PDE4D: variants seen among roughly 807,000 people sequenced by gnomAD.
PDE4D encodes the protein phosphodiesterase 4D, also known as 3',5'-cyclic-AMP phosphodiesterase 4D.
In PDE4D, 24 loss-of-function variants were observed where a neutral mutation model predicts 87.4. The observed-to-expected ratio is 0.27, with a 90% CI of 0.20 to 0.39. The LOEUF (loss-of-function observed/expected upper bound fraction) is 0.39, where lower values mean the gene tolerates loss of function less well. Ranked by LOEUF, PDE4D falls within the 10% of genes least tolerant of loss-of-function variation. The probability of loss-of-function intolerance (pLI) is 1.00; values close to 1 mark genes in which losing one functional copy is unlikely to be tolerated. For synonymous variants in PDE4D, 384 were observed against 383.2 expected (o/e 1.00, Z -0.02); for missense variants, 714 against 1,041.0 (o/e 0.69, Z 4.32).
chr5:59,240,409 T>C lies in PDE4D; in HGVS notation c.456-24441A>G, dbSNP rs6888386. Among the ~76,000 whole-genome samples, 1,452 of 152,260 alleles carry C rather than the reference T, an allele frequency of 9.5e-3. 28 individuals are homozygous for C. Among genetic ancestry groups the C allele is most frequent in the African/African-American group, 0.032 (1,327 of 41,564 alleles). ...CAAGAAATAACACGAAATAGAATGC[T>C]CCAAATTTATTATTTATTTGCACCT... On this transcript the variant is annotated intron_variant, in intron 1 of 14. Transcript: ENST00000340635.
At chr5:59,144,184 CA>C (rs2153456725) in intron 5 of PDE4D, among the ~76,000 whole-genome samples, 1 of 152,292 alleles carries the variant, frequency 6.6e-6, no homozygotes, top group Non-Finnish European at 1.5e-5. Context: ...TTAACTAAGG[CA>C]GTCAGTTGTG....
intron 1 of PDE4D, among the ~76,000 whole-genome samples, chr5:59,867,917 G>A (rs1747278037): frequency 6.6e-6 from 1 of 152,176 alleles, no homozygotes. Flanking sequence ...CTCCAGGAAA[G>A]GGAATTGGAT....
chr5:59,742,283 C>G (rs113518095), intron 1 of PDE4D, among the ~76,000 whole-genome samples: 4,727 of 152,198 alleles, frequency 0.031, 250 homozygotes, highest in African/African-American at 0.11. Context: ...AGGCTGGTCT[C>G]AAACTCCTGA....
rs1300407031 is a variant in PDE4D, at chr5:58,973,640, C to CTGAG, written c.*1020_*1023dup. ...TGCTTCAGACAACACGAACTGATGA[C>CTGAG]TGAGTTTGCATGAAGCTTAAGACAC... On this transcript the variant is annotated 3_prime_UTR_variant, in exon 15 of 15. Transcript: ENST00000340635. 2.0e-5 allele frequency: 3 copies of CTGAG among 152,588 alleles called. No homozygotes were observed. The highest frequency in any genetic ancestry group is 2.1e-4 in the South Asian group (1 of 4,824). The allele number at this position is 152,588 out of a possible 1,614,324, so 9.5% of individuals were successfully genotyped here. A position where few individuals can be genotyped will look rare whatever the true frequency, so the allele number is the denominator to read the frequency against.
chr5:59,262,588 G>A (rs1203225233), intron 1 of PDE4D, among the ~76,000 whole-genome samples: 1 of 151,814 alleles, frequency 6.6e-6, no homozygotes, highest in Non-Finnish European at 1.5e-5. Flanking sequence ...AAGGTCGGGG[G>A]TCAATCCCTG....
At chr5:60,131,751 T>G (rs1438559931) in intron 2 of PDE4D, among the ~76,000 whole-genome samples, 1 of 152,232 alleles carries the variant, frequency 6.6e-6, no homozygotes, top group Non-Finnish European at 1.5e-5. Context: ...ATGGTTGTTT[T>G]AAGCCATTAT....
At chr5:60,142,573 G>C (rs906021996) in intron 2 of PDE4D, among the ~76,000 whole-genome samples, 2 of 152,196 alleles carry the variant, frequency 1.3e-5, no homozygotes, top group Non-Finnish European at 2.9e-5. Context: ...AGAAACACCA[G>C]CATGAGCCAG....
intron 1 of PDE4D, among the ~76,000 whole-genome samples, chr5:60,260,570 G>C (rs1749545690): frequency 1.3e-5 from 2 of 152,082 alleles, no homozygotes; most frequent in Admixed American, 6.6e-5. Flanking sequence ...ATCTGGAAGA[G>C]AGAAGACCAA....
chr5:59,469,438 A>ATATATAT (rs1802096738), intron 1 of PDE4D, among the ~76,000 whole-genome samples: 1 of 152,230 alleles, frequency 6.6e-6, no homozygotes, highest in South Asian at 2.1e-4. Flanking sequence ...AAGAATAAAT[A>ATATATAT]ATAAGTGGCA....
At position 59,672,799 on chromosome 5, in the gene PDE4D, G is replaced by T. The variant is rs1468630111; in HGVS notation, c.455+220369C>A. 2.0e-5 allele frequency among the ~76,000 whole-genome samples: 3 copies of T among 152,092 alleles called. No homozygotes were observed. In the East Asian group the frequency reaches 5.8e-4, roughly 29 times the overall value. ...GTTCTATAAAAAAGATAAAGGGAAGGATGTTACTATTCTGAGCTGATGATG... is the reference window on the plus strand; with the variant it reads ...GTTCTATAAAAAAGATAAAGGGAAGTATGTTACTATTCTGAGCTGATGATG... On this transcript the variant is annotated intron_variant, in intron 1 of 14. Transcript: ENST00000340635.
intron 1 of PDE4D, among the ~76,000 whole-genome samples, chr5:60,479,498 A>G (rs1748568526): frequency 6.6e-6 from 1 of 152,214 alleles, no homozygotes; most frequent in African/African-American, 2.4e-5. Context: ...GGTGCTGCAA[A>G]TAATTGAATA....
intron 3 of PDE4D, among the ~76,000 whole-genome samples, chr5:59,921,668 C>T (rs1252613026): frequency 2.0e-5 from 3 of 152,102 alleles, no homozygotes; most frequent in Non-Finnish European, 4.4e-5. Context: ...AAAGGACATC[C>T]AGAATTCTAA....
At chr5:59,993,807 A>G (rs1209459180) in intron 2 of PDE4D, among the ~76,000 whole-genome samples, 1 of 152,064 alleles carries the variant, frequency 6.6e-6, no homozygotes, top group East Asian at 1.9e-4. Flanking sequence ...CGGCTTCAAG[A>G]TATGCAATAT....
At chr5:59,722,053 C>T (rs1268822170) in intron 1 of PDE4D, among the ~76,000 whole-genome samples, 3 of 152,156 alleles carry the variant, frequency 2.0e-5, no homozygotes, top group Non-Finnish European at 4.4e-5. Flanking sequence ...CAAATACTTA[C>T]TCCCTTTTGG....
chr5:59,433,563 T>C (rs1000574477), intron 1 of PDE4D, among the ~76,000 whole-genome samples: 18 of 152,020 alleles, frequency 1.2e-4, no homozygotes, highest in African/African-American at 2.4e-4. Flanking sequence ...TAAGAACACA[T>C]TGGAGAGTTT....
chr5:59,050,651 A>G (rs558771482), intron 5 of PDE4D, among the ~76,000 whole-genome samples: 19 of 152,374 alleles, frequency 1.2e-4, no homozygotes, highest in South Asian at 1.0e-3. Context: ...TCCACAACCT[A>G]TAAGAGCTCT....
In PDE4D at chr5:59,893,212, C is replaced by T; in HGVS notation, c.411G>A (p.Lys137=). The part of the protein sequence containing the change: ...AVETGHRPGL[K]KSRMSWPSSF... Reference sequence around the variant, plus strand: ...AGGAGGGCCAGGACATCCTGGATTTCTTCAGGCCGGGCCGGTGGCCGGTCT... The same window carrying T: ...AGGAGGGCCAGGACATCCTGGATTTTTTCAGGCCGGGCCGGTGGCCGGTCT... Residue 137 remains lysine, a synonymous_variant, in exon 1 of 15, where the codon AAG becomes AAA. Coordinates refer to ENST00000340635, the MANE Select transcript of PDE4D (RefSeq NM_001104631.2). 1 of 1,564,602 alleles carries T rather than the reference C, an allele frequency of 6.4e-7. No homozygotes were observed.
intron 5 of PDE4D, among the ~76,000 whole-genome samples, chr5:59,061,518 G>A (rs186440036): frequency 6.6e-6 from 1 of 152,130 alleles, no homozygotes; most frequent in Admixed American, 6.6e-5. Flanking sequence ...TGTGTACATT[G>A]TCAGTGAGTC....
In PDE4D at chr5:59,840,055, T is replaced by G. The variant is rs574672216; in HGVS notation, c.455+53113A>C. 1.2e-4 allele frequency among the ~76,000 whole-genome samples: 19 copies of G among 152,158 alleles called. No homozygotes were observed. The South Asian group carries it at 3.9e-3, about 31-fold the overall frequency. ...GCCATCTTCCAACACTTTCCCCCTC[T>G]GAGCATCTTTTTTTTCCTGGCTCAG... On this transcript the variant is annotated intron_variant, in intron 1 of 14. Transcript: ENST00000340635.
Sources: allele counts gnomAD v4.1 joint callset (sites outside exome capture counted in the v4.1 genomes callset), GRCh38; gene constraint gnomAD v4.1.1; transcripts MANE v1.5; gene names NCBI Gene and HGNC (gene_info 2026-07-23, HGNC 2026-07-21).